The following GTPBP1 variants were observed in gnomAD, a reference collection of about 807,000 sequenced individuals.
GTPBP1 encodes GTP-binding protein 1.
A neutral mutation model predicts 62.0 loss-of-function variants in GTPBP1; 23 were observed. That is an observed-to-expected ratio of 0.37 (90% CI 0.27 to 0.53). The LOEUF (loss-of-function observed/expected upper bound fraction) is 0.53, where lower values mean the gene tolerates loss of function less well. GTPBP1 is among the 20% of genes least tolerant of loss of function. GTPBP1 has a pLI of 0.89. For missense variants in GTPBP1, 640 were observed against 917.3 expected, an observed-to-expected ratio of 0.70 and a Z score of 3.90; for synonymous variants, 344 against 364.4, an observed-to-expected ratio of 0.94 and a Z score of 0.64.
downstream of GTPBP1, chr22:38,736,390 G>A (rs1445487095): frequency 1.9e-6 from 3 of 1,606,608 alleles, no homozygotes; most frequent in East Asian, 4.5e-5. Context: ...CCTGGGTAGA[G>A]AAGAAAGGGA....
Position 38,726,264 on chromosome 22 carries a change from G to C in GTPBP1, c.1225G>C (p.Gly409Arg). 1 of 1,613,986 alleles carries C rather than the reference G, an allele frequency of 6.2e-7. No individual in the cohort carries two copies. Among genetic ancestry groups the C allele is most frequent in the Non-Finnish European group, 8.5e-7 (1 of 1,179,998 alleles). Residue 409 changes from glycine to arginine, a missense_variant, in exon 8 of 12, where the codon GGG becomes CGG. By Grantham distance (125) the Gly-to-Arg change is moderately radical. Transcript: ENST00000216044. The surrounding 1 kb of genome is among the most constrained non-coding windows in gnomAD (Gnocchi z 4.1). Reference protein sequence around the residue: ...IDDTYSVPGVGTVVSGTTLRG... With the variant: ...IDDTYSVPGVRTVVSGTTLRG... ...AGGGTCTTCTCCTTGGCAGGGTGTG[G>C]GGACAGTGGTTTCGGGGACAACACT...
downstream of GTPBP1, chr22:38,735,984 A>G (rs770501401): frequency 2.1e-5 from 7 of 330,762 alleles, no homozygotes; most frequent in South Asian, 1.8e-4. Flanking sequence ...ACCTCTCCCA[A>G]CTTCCCAGTC....
chr22:38,740,899 G>T, downstream of GTPBP1: 1 of 1,239,142 alleles, frequency 8.1e-7, no homozygotes, highest in Non-Finnish European at 1.1e-6. The surrounding 1 kb of genome is among the most constrained non-coding windows in gnomAD (Gnocchi z 4.8). Context: ...CATCTGCTTG[G>T]CAAGATGATC....
At position 38,715,051 on chromosome 22, in the gene GTPBP1, A is replaced by T. The variant is rs2092661724; in HGVS notation, c.305-856A>T. ...AAATCTTATCTCTAAAATGTTTCTG[A>T]GTTCCTCCCCCATTTTCCTCCATCT... is the stretch of plus-strand genomic sequence containing the variant. On this transcript the variant is annotated intron_variant, in intron 2 of 11. Coordinates refer to ENST00000216044, the MANE Select transcript of GTPBP1 (RefSeq NM_004286.5). Among the ~76,000 whole-genome samples the T allele has an allele frequency of 2.0e-5, 3 of 151,918 alleles. No homozygotes were observed. The South Asian group carries it at 6.2e-4, about 31-fold the overall frequency.
chr22:38,729,346 TG>T, intron 10 of GTPBP1, 115 bp from the exon 11 acceptor site: 1 of 725,480 alleles, frequency 1.4e-6, no homozygotes, highest in Non-Finnish European at 2.2e-6. Flanking sequence ...TGCCCTGAAC[TG>T]GCAAGATCAA....
At position 38,706,080 on chromosome 22, in the gene GTPBP1, T is replaced by G; in HGVS notation, c.125T>G (p.Phe42Cys). 1.5e-6 allele frequency: 2 copies of G among 1,359,420 alleles called. No individual in the cohort carries two copies. Among genetic ancestry groups the G allele is most frequent in the Non-Finnish European group, 9.5e-7 (1 of 1,057,736 alleles). The allele number at this position is 1,359,420 out of a possible 1,614,324, so 84.2% of individuals were successfully genotyped here. Residue 42 changes from phenylalanine to cysteine, a missense_variant, in exon 1 of 12, where the codon TTT becomes TGT. Coordinates refer to ENST00000216044, the MANE Select transcript of GTPBP1 (RefSeq NM_004286.5). ...GCCGCCGCCCGACTCCACGGCGGCTTTGACTCGGACTGCAGCGAGGACGGC... is the reference window on the plus strand; with the variant it reads ...GCCGCCGCCCGACTCCACGGCGGCTGTGACTCGGACTGCAGCGAGGACGGC... ...AAAAARLHGG[F>C]DSDCSEDGEA... is the part of the protein sequence containing the mutation.
chr22:38,716,338 G>A lies in GTPBP1; in HGVS notation c.485+251G>A. On this transcript the variant is annotated intron_variant, in intron 3 of 11. Coordinates refer to ENST00000216044, the MANE Select transcript of GTPBP1 (RefSeq NM_004286.5). The surrounding 1 kb of genome is among the most constrained non-coding windows in gnomAD (Gnocchi z 5.2). ...TGTGTTTCTTTTCCCTTCAGCCTGT[G>A]AGCCTGGAAACCAGGGTCATGGAGA... The A allele has an allele frequency of 3.4e-6, 2 of 585,602 alleles. No individual in the cohort carries two copies. The highest frequency in any genetic ancestry group is 2.1e-5 in the South Asian group (1 of 47,482). The allele number at this position is 585,602 out of a possible 1,614,324, so 36.3% of individuals were successfully genotyped here.
At position 38,732,295 on chromosome 22, in the gene GTPBP1, C is replaced by G. The variant is rs148060339; in HGVS notation, c.*1591C>G. On this transcript the variant is annotated 3_prime_UTR_variant, in exon 12 of 12. Coordinates refer to ENST00000216044, the MANE Select transcript of GTPBP1 (RefSeq NM_004286.5). ...AGGTGGAGGTGCTGCCACGGGAACG[C>G]AGTTGCTCTGCCTGCCCTGGGGCCC... 1 of 152,820 alleles carries G rather than the reference C, an allele frequency of 6.5e-6. No individual in the cohort carries two copies. Among genetic ancestry groups the G allele is most frequent in the African/African-American group, 2.4e-5 (1 of 41,580 alleles). 9.5% of individuals were successfully genotyped at this position (152,820 alleles called of 1,614,324 possible).
chr22:38,741,570 T>G, downstream of GTPBP1: 1 of 1,614,004 alleles, frequency 6.2e-7, no homozygotes. Flanking sequence ...AGACAGTTCT[T>G]CCTGTGAGAC....
intron 4 of GTPBP1, among the ~76,000 whole-genome samples, chr22:38,718,790 G>A (rs111642411): frequency 7.2e-5 from 11 of 152,342 alleles, no homozygotes; most frequent in African/African-American, 2.4e-4. Flanking sequence ...GAGGCAACCA[G>A]TGTTTCCAGT....
In GTPBP1 at chr22:38,716,642, C is replaced by T; in HGVS notation, c.486-10C>T. 10 of 1,597,876 alleles carry T rather than the reference C, an allele frequency of 6.3e-6. No individual in the cohort carries two copies. The highest frequency in any genetic ancestry group is 8.6e-6 in the Non-Finnish European group (10 of 1,168,236). ...CTCTCACATAGATGTATGGGTTCAT[C>T]TACACGCAGGGTAGCAGTGGTGGGC... On this transcript the variant is annotated splice_polypyrimidine_tract_variant and intron_variant, in intron 3 of 11. Coordinates refer to ENST00000216044, the MANE Select transcript of GTPBP1 (RefSeq NM_004286.5). This position sits in a 1 kb window ranked among gnomAD's most constrained non-coding sequence, Gnocchi z 5.2.
downstream of GTPBP1, chr22:38,734,242 G>C (rs977780408): frequency 1.1e-5 from 5 of 458,208 alleles, no homozygotes; most frequent in Non-Finnish European, 1.4e-5. Flanking sequence ...GGTCTGGGGA[G>C]CTATCTGTGG....
chr22:38,739,084 GC>G, downstream of GTPBP1: 1 of 1,249,418 alleles, frequency 8.0e-7, no homozygotes, highest in Non-Finnish European at 1.1e-6. The surrounding 1 kb of genome is among the most constrained non-coding windows in gnomAD (Gnocchi z 6.7). Context: ...GACGGCAGAT[GC>G]CCCAGGCCTA....
chr22:38,720,962 G>T (rs1226522872), intron 4 of GTPBP1, among the ~76,000 whole-genome samples: 1 of 152,210 alleles, frequency 6.6e-6, no homozygotes, highest in African/African-American at 2.4e-5. Context: ...CTAGAGTGCA[G>T]TAGCTCGATC....
intron 2 of GTPBP1, among the ~76,000 whole-genome samples, chr22:38,709,732 C>T (rs2092627542): frequency 6.6e-6 from 1 of 152,212 alleles, no homozygotes; most frequent in South Asian, 2.1e-4. Flanking sequence ...CCTCTCTTGT[C>T]AGGCTCCTTG....
chr22:38,716,530 G>T lies in GTPBP1; in HGVS notation c.486-122G>T. ...TGCTCCTCCGGCTCAAGGAGGAGCT[G>T]TGAGCCGGAGGGGATCGGGGCAAGC... is the stretch of plus-strand genomic sequence containing the variant. On this transcript the variant is annotated intron_variant, in intron 3 of 11. Coordinates refer to ENST00000216044, the MANE Select transcript of GTPBP1 (RefSeq NM_004286.5). The surrounding 1 kb of genome is among the most constrained non-coding windows in gnomAD (Gnocchi z 5.2). 2 of 701,564 alleles carry T rather than the reference G, an allele frequency of 2.9e-6. No homozygotes were observed. The highest frequency in any genetic ancestry group is 4.9e-6 in the Non-Finnish European group (2 of 409,860). 43.5% of individuals were successfully genotyped at this position (701,564 alleles called of 1,614,324 possible). A position where few individuals can be genotyped will look rare whatever the true frequency, so the allele number is the denominator to read the frequency against.
chr22:38,707,776 T>G (rs960542100), intron 1 of GTPBP1, among the ~76,000 whole-genome samples: 2 of 151,928 alleles, frequency 1.3e-5, no homozygotes, highest in African/African-American at 4.8e-5. Context: ...TCCTTACAAT[T>G]AAAAAAAATC....
At chr22:38,737,886 G>A (rs994564360), downstream of GTPBP1, 27 of 624,326 alleles carry the variant, frequency 4.3e-5, no homozygotes, top group Middle Eastern at 2.6e-4. The surrounding 1 kb of genome is among the most constrained non-coding windows in gnomAD (Gnocchi z 4.1). Context: ...CGCCTCTCCC[G>A]GCCTTCCTTT....
chr22:38,740,675 C>T (rs910693953), downstream of GTPBP1: 4 of 573,642 alleles, frequency 7.0e-6, no homozygotes, highest in South Asian at 2.3e-5. The surrounding 1 kb of genome is among the most constrained non-coding windows in gnomAD (Gnocchi z 4.8). Context: ...TGTACTCTGC[C>T]TCAGCCTCTC....
Sources: allele counts gnomAD v4.1 joint callset (sites outside exome capture counted in the v4.1 genomes callset), GRCh38; gene constraint gnomAD v4.1.1; non-coding constraint Gnocchi (gnomAD v3.1); transcripts MANE v1.5; gene names NCBI Gene and HGNC (gene_info 2026-07-23, HGNC 2026-07-21).